The following TBL1X variants were observed in gnomAD, a reference collection of about 807,000 sequenced individuals.
TBL1X encodes the protein F-box-like/WD repeat-containing protein TBL1X.
A neutral mutation model predicts 50.7 loss-of-function variants in TBL1X; 10 were observed. The observed-to-expected ratio is 0.20, with a 90% CI of 0.12 to 0.33. The LOEUF is 0.33. Among genes scored for constraint, TBL1X ranks in the 10% least tolerant of loss-of-function variants. The probability of loss-of-function intolerance (pLI) is 1.00; values close to 1 mark genes in which losing one functional copy is unlikely to be tolerated. For synonymous variants in TBL1X, 190 were observed against 214.7 expected, an observed-to-expected ratio of 0.88 and a Z score of 1.01; for missense variants, 340 against 504.4, an observed-to-expected ratio of 0.67 and a Z score of 3.12.
chrX:9,629,280 C>T (rs967349598), intron 2 of TBL1X, among the ~76,000 whole-genome samples: 4 of 112,687 alleles, frequency 3.5e-5, no homozygotes, highest in Non-Finnish European at 7.5e-5. Context: ...CATCTGTTTG[C>T]ATAAACACAC....
chrX:9,498,886 C>T (rs891451876), intron 1 of TBL1X, among the ~76,000 whole-genome samples: 1 of 112,230 alleles, frequency 8.9e-6, no homozygotes, highest in African/African-American at 3.2e-5. Context: ...ACAGAGGAGG[C>T]TTTGCTGTGT....
intron 2 of TBL1X, among the ~76,000 whole-genome samples, chrX:9,531,523 C>T (rs1245804089): frequency 9.1e-6 from 1 of 109,618 alleles, no homozygotes; most frequent in East Asian, 2.9e-4. Context: ...TTGAATACCA[C>T]GAATATTTTG....
chrX:9,701,679 C>G (rs1006496352), intron 12 of TBL1X, among the ~76,000 whole-genome samples: 1 of 109,683 alleles, frequency 9.1e-6, no homozygotes. Context: ...CATCCTGGAC[C>G]GCGGGTTGAA....
intron 2 of TBL1X, among the ~76,000 whole-genome samples, chrX:9,630,958 C>T (rs2082718226): frequency 9.1e-6 from 1 of 110,400 alleles, no homozygotes; most frequent in African/African-American, 3.3e-5. Context: ...TATATATCAA[C>T]AACATATAAT....
chrX:9,595,279 T>C (rs1263955431), intron 2 of TBL1X, among the ~76,000 whole-genome samples: 3 of 111,734 alleles, frequency 2.7e-5, no homozygotes, highest in Non-Finnish European at 5.6e-5. Flanking sequence ...AAATGTGGTT[T>C]GCCCAAACCC....
In TBL1X at chrX:9,611,984, G is replaced by A. The variant is rs771969525; in HGVS notation, c.-130-28289G>A. 5.3e-5 allele frequency among the ~76,000 whole-genome samples: 6 copies of A among 113,008 alleles called. 1 individual carries two copies. The highest frequency in any genetic ancestry group is 1.3e-4 in the African/African-American group (4 of 31,230). On this transcript the variant is annotated intron_variant, in intron 2 of 17. Coordinates refer to ENST00000645353, the MANE Select transcript of TBL1X (RefSeq NM_005647.4). ...AGGGCACCAAATTGTAAGGCAGAGC[G>A]TTGGCTAGTGACACAAGCTGCCTTT...
At position 9,549,735 on chromosome X, in the gene TBL1X, C is replaced by T. The variant is rs182499651; in HGVS notation, c.-131+47886C>T. The stretch of plus-strand genomic sequence containing the variant: ...CAGGCCCCTTTTTGGAATGGAGTTT[C>T]GTTATACAGAAAGTTGTTCTCGCTG... On this transcript the variant is annotated intron_variant, in intron 2 of 17. Transcript: ENST00000645353. 6.2e-3 allele frequency among the ~76,000 whole-genome samples: 687 copies of T among 111,637 alleles called. 4 individuals are homozygous for T. Among genetic ancestry groups the T allele is most frequent in the Non-Finnish European group, 0.01 (534 of 53,067 alleles).
intron 5 of TBL1X, among the ~76,000 whole-genome samples, chrX:9,673,884 T>C (rs112978119): frequency 0.23 from 25,198 of 110,513 alleles, 2,258 homozygotes; most frequent in African/African-American, 0.3. Context: ...CTGTCCAACA[T>C]AGTGAAACCC....
At chrX:9,609,746 A>G (rs1025449928) in intron 2 of TBL1X, among the ~76,000 whole-genome samples, 3 of 111,465 alleles carry the variant, frequency 2.7e-5, no homozygotes, top group Admixed American at 9.5e-5. Flanking sequence ...GGCCTCTCCA[A>G]CACTTCATGT....
At chrX:9,575,401 A>G (rs1197436129) in intron 2 of TBL1X, among the ~76,000 whole-genome samples, 4 of 111,459 alleles carry the variant, frequency 3.6e-5, no homozygotes, top group Admixed American at 9.5e-5. Flanking sequence ...GCAACCAGCA[A>G]TTTACTTTCT....
chrX:9,531,354 G>GGGT (rs755352161), intron 2 of TBL1X, among the ~76,000 whole-genome samples: 7 of 75,217 alleles, frequency 9.3e-5, no homozygotes, highest in African/African-American at 3.3e-4. Flanking sequence ...GAACCTGGAG[G>GGGT]GTGTGTGTGT....
chrX:9,501,060 A>G (rs772970907), intron 1 of TBL1X, among the ~76,000 whole-genome samples: 4 of 111,383 alleles, frequency 3.6e-5, no homozygotes, highest in African/African-American at 6.5e-5. Context: ...GGATGCCCCA[A>G]TCCTCTTTCA....
At chrX:9,684,563 G>A (rs1345752143) in intron 6 of TBL1X, among the ~76,000 whole-genome samples, 1 of 86,855 alleles carries the variant, frequency 1.2e-5, no homozygotes, top group Non-Finnish European at 2.1e-5. Flanking sequence ...GTACACTCCA[G>A]CCTGGGCAAT....
chrX:9,558,952 T>C (rs1459912106), intron 2 of TBL1X, among the ~76,000 whole-genome samples: 1 of 112,250 alleles, frequency 8.9e-6, no homozygotes, highest in Non-Finnish European at 1.9e-5. Flanking sequence ...CTCAAGGAAA[T>C]GTGTCGTGTG....
At chrX:9,618,566 C>T (rs2082650924) in intron 2 of TBL1X, among the ~76,000 whole-genome samples, 1 of 111,619 alleles carries the variant, frequency 9.0e-6, no homozygotes, top group African/African-American at 3.3e-5. Flanking sequence ...GTAATCCCAG[C>T]TACTTGGGAG....
In TBL1X at chrX:9,512,957, C is replaced by T. The variant is rs139937929; in HGVS notation, c.-131+11108C>T. ...AAAACCAGCGTGGTCTTCACTTTTC[C>T]CTTGAGCCTACAACCACAGGGTGCC... On this transcript the variant is annotated intron_variant, in intron 2 of 17. Coordinates refer to ENST00000645353, the MANE Select transcript of TBL1X (RefSeq NM_005647.4). Among the ~76,000 whole-genome samples the T allele has an allele frequency of 9.7e-3, 1,078 of 111,235 alleles. 7 individuals carry two copies. Among genetic ancestry groups the T allele is most frequent in the Non-Finnish European group, 0.016 (847 of 53,032 alleles).
At chrX:9,640,222 A>G (rs1392995422) in intron 2 of TBL1X, 51 bp from the exon 3 acceptor site, 1 of 112,071 alleles carries the variant, frequency 8.9e-6, no homozygotes, top group East Asian at 2.8e-4. Flanking sequence ...AGGTAAACAC[A>G]CCCCAATGAT....
intron 2 of TBL1X, among the ~76,000 whole-genome samples, chrX:9,511,734 CAA>C (rs2082056595): frequency 8.9e-6 from 1 of 112,343 alleles, no homozygotes; most frequent in Non-Finnish European, 1.9e-5. Flanking sequence ...ATGACGTTGG[CAA>C]TTAAAGTTTT....
At chrX:9,594,522 C>T (rs2082518206) in intron 2 of TBL1X, among the ~76,000 whole-genome samples, 1 of 112,202 alleles carries the variant, frequency 8.9e-6, no homozygotes, top group Non-Finnish European at 1.9e-5. Context: ...ACTCATTCTT[C>T]ACAGAACTGT....
Sources: gnomAD v4.1 joint callset for allele counts (sites outside exome capture counted in the v4.1 genomes callset) on GRCh38, gnomAD v4.1.1 for gene constraint, MANE v1.5 for transcripts, NCBI Gene and HGNC (gene_info 2026-07-23, HGNC 2026-07-21) for gene names.